KANK1: variants seen among roughly 807,000 people sequenced by gnomAD.
The protein encoded by KANK1 is KN motif and ankyrin repeat domains 1.
In KANK1, 109 loss-of-function variants were observed where a neutral mutation model predicts 106.2. That is an observed-to-expected ratio of 1.03 (90% CI 0.88 to 1.20). The LOEUF is 1.20. Ranked by LOEUF, KANK1 falls within the 50% of genes most tolerant of loss-of-function variation. The pLI is 0.00. For missense variants in KANK1, 2,399 were observed against 1,710.7 expected, an observed-to-expected ratio of 1.40 and a Z score of -7.10; for synonymous variants, 873 against 652.2, an observed-to-expected ratio of 1.34 and a Z score of -5.16.
At chr9:595,005 G>C (rs1224646849) in intron 1 of KANK1, among the ~76,000 whole-genome samples, 3 of 151,782 alleles carry the variant, frequency 2.0e-5, no homozygotes, top group Non-Finnish European at 4.4e-5. Flanking sequence ...TTTTTATTCA[G>C]AACGCAGATT....
intron 1 of KANK1, among the ~76,000 whole-genome samples, chr9:520,256 T>A (rs1488107621): frequency 1.3e-5 from 2 of 151,806 alleles, no homozygotes; most frequent in Non-Finnish European, 2.9e-5. Context: ...GAGGATCACC[T>A]CAGCCTGGGG....
At chr9:566,147 G>T (rs1817750959) in intron 1 of KANK1, among the ~76,000 whole-genome samples, 2 of 152,170 alleles carry the variant, frequency 1.3e-5, no homozygotes, top group Admixed American at 1.3e-4. Flanking sequence ...TTAGTTTGCT[G>T]TGGGTGATGG....
In KANK1 at chr9:571,339, C is replaced by CA. The variant is rs1210307830; in HGVS notation, c.-84+66586dup. Among the ~76,000 whole-genome samples the CA allele has an allele frequency of 9.2e-5, 14 of 152,306 alleles. No individual in the cohort carries two copies. The East Asian group carries it at 2.7e-3, about 29-fold the overall frequency. ...AGAGGGTATGATAATGCAGAAGTTA[C>CA]AGAGTGTTCCTTTGGCAACACGTGT... On this transcript the variant is annotated intron_variant, in intron 1 of 11. Coordinates refer to ENST00000382297, the MANE Select transcript of KANK1 (RefSeq NM_015158.5).
At chr9:484,087 G>A (rs747933204) in intron 3 of KANK1, among the ~76,000 whole-genome samples, 1 of 152,192 alleles carries the variant, frequency 6.6e-6, no homozygotes, top group Non-Finnish European at 1.5e-5. Flanking sequence ...AGAGATTCAG[G>A]TCAGTGGCTC....
chr9:477,183 A>C (rs993487569), intron 3 of KANK1, among the ~76,000 whole-genome samples: 6 of 152,142 alleles, frequency 3.9e-5, no homozygotes, highest in African/African-American at 1.4e-4. Flanking sequence ...TGTAATAAGG[A>C]TAATATATTT....
chr9:642,208 G>T (rs1293340439), intron 1 of KANK1, among the ~76,000 whole-genome samples: 1 of 151,398 alleles, frequency 6.6e-6, no homozygotes, highest in African/African-American at 2.5e-5. Context: ...TGTGCTTCCT[G>T]ACTTGTTACC....
chr9:684,738 T>C (rs1265037735), intron 2 of KANK1, among the ~76,000 whole-genome samples: 1 of 152,196 alleles, frequency 6.6e-6, no homozygotes, highest in African/African-American at 2.4e-5. Context: ...TTGTGCAGTT[T>C]CTGAGAAAGG....
intron 1 of KANK1, among the ~76,000 whole-genome samples, chr9:557,900 G>A (rs1815267792): frequency 6.6e-6 from 1 of 152,216 alleles, no homozygotes; most frequent in African/African-American, 2.4e-5. Flanking sequence ...AGCGACTTGG[G>A]CGGCTGAGGT....
chr9:650,781 C>G (rs1840714545), intron 1 of KANK1, among the ~76,000 whole-genome samples: 1 of 151,934 alleles, frequency 6.6e-6, no homozygotes. Flanking sequence ...AATGTTCCTG[C>G]TAATGAAATG....
chr9:745,834 C>G lies in KANK1; in HGVS notation c.*599C>G, dbSNP rs1189095703. On this transcript the variant is annotated 3_prime_UTR_variant, in exon 12 of 12. Coordinates refer to ENST00000382297, the MANE Select transcript of KANK1 (RefSeq NM_015158.5). ...AAAGGGTATCTATATGAACTTGACA[C>G]AGTATTTTCAGCTTTTGTATTCCAT... 2.0e-5 allele frequency: 3 copies of G among 152,582 alleles called. No homozygotes were observed. Among genetic ancestry groups the G allele is most frequent in the Admixed American group, 2.0e-4 (3 of 15,282 alleles). The allele number at this position is 152,582 out of a possible 1,614,324, so 9.5% of individuals were successfully genotyped here. A position where few individuals can be genotyped will look rare whatever the true frequency, so the allele number is the denominator to read the frequency against.
chr9:470,680 G>A (rs1170150315), exon 2 of KANK1: 2 of 152,286 alleles, frequency 1.3e-5, no homozygotes, highest in Non-Finnish European at 2.9e-5. Context: ...AGCCACGAGT[G>A]AGGTTTGAAA....
intron 7 of KANK1, chr9:735,813 G>A: frequency 2.7e-6 from 1 of 376,232 alleles, no homozygotes; most frequent in South Asian, 1.9e-5. Context: ...AGCCAACATG[G>A]TGAAACCCTT....
At chr9:682,801 C>A (rs1006599189) in intron 2 of KANK1, among the ~76,000 whole-genome samples, 7 of 152,134 alleles carry the variant, frequency 4.6e-5, no homozygotes, top group African/African-American at 1.4e-4. Context: ...CAGCTTTTGT[C>A]TCTATGCTGA....
intron 1 of KANK1, among the ~76,000 whole-genome samples, chr9:660,831 A>G (rs1173956844): frequency 1.3e-5 from 2 of 152,202 alleles, no homozygotes; most frequent in South Asian, 2.1e-4. Flanking sequence ...AGAGTTTTAG[A>G]GAGGCCCCCT....
intron 1 of KANK1, among the ~76,000 whole-genome samples, chr9:519,597 G>T (rs1467675159): frequency 1.3e-5 from 2 of 151,720 alleles, no homozygotes; most frequent in African/African-American, 4.9e-5. Context: ...GAAGAACCTG[G>T]ACTTTTTGGA....
At chr9:717,617 T>C (rs1407626918) in intron 3 of KANK1, among the ~76,000 whole-genome samples, 2 of 152,178 alleles carry the variant, frequency 1.3e-5, no homozygotes, top group African/African-American at 4.8e-5. Context: ...ATGCATTTAA[T>C]ATTTTCTTTT....
intron 1 of KANK1, among the ~76,000 whole-genome samples, chr9:526,529 C>T (rs1272234898): frequency 6.6e-6 from 1 of 151,672 alleles, no homozygotes; most frequent in South Asian, 2.1e-4. Flanking sequence ...TCTGGGCAAC[C>T]TAGCAAGACC....
At chr9:591,317 G>GAA (rs1259049490) in intron 1 of KANK1, among the ~76,000 whole-genome samples, 1 of 151,758 alleles carries the variant, frequency 6.6e-6, no homozygotes, top group Admixed American at 6.6e-5. Flanking sequence ...GGCTAACTAG[G>GAA]AAGTAAGAAT....
chr9:495,027 A>C (rs1162354987), intron 3 of KANK1, among the ~76,000 whole-genome samples: 1 of 152,250 alleles, frequency 6.6e-6, no homozygotes, highest in Admixed American at 6.5e-5. Context: ...GTGCAAAGTA[A>C]CTAGGTGAAC....
Sources: allele counts gnomAD v4.1 joint callset (sites outside exome capture counted in the v4.1 genomes callset), GRCh38; gene constraint gnomAD v4.1.1; transcripts MANE v1.5; gene names NCBI Gene and HGNC (gene_info 2026-07-23, HGNC 2026-07-21).